Variants in AMD1 observed in about 807,000 individuals in gnomAD.
AMD1 encodes the protein S-adenosylmethionine decarboxylase proenzyme.
Under a neutral mutation model 40.2 loss-of-function variants are expected in AMD1, and 11 were observed. The observed-to-expected ratio is 0.27, with a 90% CI of 0.17 to 0.45. The LOEUF is 0.45. Ranked by LOEUF, AMD1 falls within the 20% of genes least tolerant of loss-of-function variation. AMD1 has a pLI of 1.00. For missense variants in AMD1, 257 were observed against 410.2 expected, an observed-to-expected ratio of 0.63 and a Z score of 3.23; for synonymous variants, 121 against 130.8, an observed-to-expected ratio of 0.93 and a Z score of 0.51.
At chr6:110,838,292 A>AGGAGAATCGCTTGGAG in the AMD1 span, among the ~76,000 whole-genome samples, 2,303 of 151,314 alleles carry the variant, frequency 0.015, 29 homozygotes, top group Non-Finnish European at 0.024. Context: ...GGGAGGCTGA[A>AGGAGAATCGCTTGGAG]GCAGGAGAAT....
the AMD1 span, among the ~76,000 whole-genome samples, chr6:110,857,528 T>C: frequency 1.7e-5 from 2 of 117,130 alleles, no homozygotes; most frequent in African/African-American, 6.0e-5. Context: ...TGAAACTCTG[T>C]CTCAAAAAAA....
chr6:110,822,333 G>C, the AMD1 span, among the ~76,000 whole-genome samples: 1 of 152,144 alleles, frequency 6.6e-6, no homozygotes, highest in Admixed American at 6.6e-5. Context: ...AAAGCCTAGA[G>C]GAAATAGATA....
chr6:110,833,242 T>A, the AMD1 span, among the ~76,000 whole-genome samples: 2 of 152,208 alleles, frequency 1.3e-5, no homozygotes, highest in East Asian at 3.8e-4. Flanking sequence ...CATTCATAAT[T>A]TGTGAAATAA....
intron 2 of AMD1, chr6:110,888,644 AT>A: frequency 2.6e-6 from 1 of 378,792 alleles, no homozygotes. Context: ...TATATTATGA[AT>A]ATACGAATGT....
chr6:110,891,802 G>C (rs947166461), intron 4 of AMD1: 1 of 242,916 alleles, frequency 4.1e-6, no homozygotes, highest in Admixed American at 5.2e-5. Context: ...GAGTGGAGTG[G>C]CGTGATCTTG....
At chr6:110,855,218 A>G in the AMD1 span, among the ~76,000 whole-genome samples, 1 of 151,706 alleles carries the variant, frequency 6.6e-6, no homozygotes, top group Non-Finnish European at 1.5e-5. Context: ...AAGAACCTTG[A>G]GATCAAAGAA....
At chr6:110,868,984 C>T in the AMD1 span, among the ~76,000 whole-genome samples, 1 of 150,980 alleles carries the variant, frequency 6.6e-6, no homozygotes. Context: ...CGCTTGAACC[C>T]GGGAGGCGGA....
chr6:110,842,725 G>A, the AMD1 span, among the ~76,000 whole-genome samples: 1 of 152,198 alleles, frequency 6.6e-6, no homozygotes, highest in Non-Finnish European at 1.5e-5. Context: ...GTTGGTCTTA[G>A]GTTGGTAGTG....
the AMD1 span, among the ~76,000 whole-genome samples, chr6:110,869,297 AT>A: frequency 9.9e-5 from 15 of 151,066 alleles, no homozygotes; most frequent in African/African-American, 3.4e-4. Flanking sequence ...CGCCCGGCTA[AT>A]TTTTTTGTAT....
At chr6:110,862,346 T>A in the AMD1 span, among the ~76,000 whole-genome samples, 132 of 151,242 alleles carry the variant, frequency 8.7e-4, no homozygotes, top group African/African-American at 3.1e-3. Flanking sequence ...TTTTTTTTTT[T>A]AATGGATAGA....
the AMD1 span, among the ~76,000 whole-genome samples, chr6:110,849,397 T>C: frequency 1.5e-4 from 23 of 152,292 alleles, no homozygotes; most frequent in African/African-American, 4.8e-4. Flanking sequence ...TATTAAAAGA[T>C]GACAGAAACC....
the AMD1 span, among the ~76,000 whole-genome samples, chr6:110,837,900 T>C: frequency 2.0e-5 from 3 of 148,922 alleles, no homozygotes; most frequent in Non-Finnish European, 4.5e-5. Flanking sequence ...CCGTCTCTAC[T>C]AAAACTACAA....
the AMD1 span, among the ~76,000 whole-genome samples, chr6:110,837,095 T>C: frequency 6.9e-6 from 1 of 143,948 alleles, no homozygotes. Context: ...AGTTTGATGC[T>C]GCAGTGAGCT....
chr6:110,844,390 T>G, the AMD1 span, among the ~76,000 whole-genome samples: 1 of 151,554 alleles, frequency 6.6e-6, no homozygotes, highest in East Asian at 2.0e-4. Flanking sequence ...ACTCCTGACC[T>G]CAGGTGATCC....
rs756750412 is a variant in AMD1, at chr6:110,892,406, A to C, written c.578A>C (p.Tyr193Ser). ...ELDPAVMDQF[Y>S]MKDGVTAKDV... The stretch of plus-strand genomic sequence containing the variant: ...GACCCAGCAGTTATGGACCAGTTCT[A>C]CATGAAAGATGGTGTTACTGCAAAG... The change falls in exon 6 of 9, where the codon TAC (tyrosine) becomes TCC (serine). Residue 193 changes from tyrosine (Y) to serine (S), a missense_variant. By Grantham distance (144) the Tyr-to-Ser change is moderately radical. This residue lies in a region of AMD1 where 192 missense variants were observed against 296.5 expected (regional missense o/e 0.65). Transcript: ENST00000368885. 2 of 1,612,318 alleles carry C rather than the reference A, an allele frequency of 1.2e-6. No homozygotes were observed. Among genetic ancestry groups the C allele is most frequent in the African/African-American group, 2.7e-5 (2 of 74,862 alleles).
chr6:110,842,137 C>T, the AMD1 span, among the ~76,000 whole-genome samples: 2 of 152,140 alleles, frequency 1.3e-5, no homozygotes, highest in Non-Finnish European at 2.9e-5. Flanking sequence ...GGGTTCATAG[C>T]CCAGACTCAA....
chr6:110,890,614 T>C (rs1449837763), intron 4 of AMD1, among the ~76,000 whole-genome samples: 3 of 152,152 alleles, frequency 2.0e-5, no homozygotes, highest in Admixed American at 2.0e-4. Flanking sequence ...GCCTCCCAAG[T>C]AGCTGGGGCT....
the AMD1 span, among the ~76,000 whole-genome samples, chr6:110,822,189 A>C: frequency 1.3e-5 from 2 of 152,260 alleles, no homozygotes; most frequent in East Asian, 1.9e-4. Context: ...CTGGGCAGAA[A>C]GGGAAAAAAA....
the AMD1 span, among the ~76,000 whole-genome samples, chr6:110,838,678 GT>G: frequency 6.6e-6 from 1 of 152,090 alleles, no homozygotes; most frequent in Admixed American, 6.6e-5. Context: ...GGCCAACATG[GT>G]GAAACCCTGA....
Sources: gnomAD v4.1 joint callset for allele counts (sites outside exome capture counted in the v4.1 genomes callset) on GRCh38, gnomAD v4.1.1 for gene constraint, gnomAD v4.1.1 regional missense constraint, MANE v1.5 for transcripts, NCBI Gene and HGNC (gene_info 2026-07-23, HGNC 2026-07-21) for gene names.